Variants in LIG3 observed in about 807,000 individuals in gnomAD.
LIG3 encodes the protein ligase II, DNA, ATP-dependent.
LIG3 carries 58 observed loss-of-function variants against 110.9 expected under a neutral mutation model. The ratio of observed to expected loss-of-function variants is 0.52; its 90% CI spans 0.42 to 0.65. LIG3 has a LOEUF of 0.65. Ranked by LOEUF, LIG3 falls within the 30% of genes least tolerant of loss-of-function variation. The pLI is 0.00. For missense variants in LIG3, 1,094 were observed against 1,273.8 expected, an observed-to-expected ratio of 0.86 and a Z score of 2.15; for synonymous variants, 422 against 472.8, an observed-to-expected ratio of 0.89 and a Z score of 1.39.
chr17:34,999,082 C>T, intron 14 of LIG3: 1 of 552,690 alleles, frequency 1.8e-6, no homozygotes. Flanking sequence ...CAACACAGTT[C>T]AATGCCCCAG....
intron 19 of LIG3, 179 bp from the exon 20 acceptor site, chr17:35,004,094 A>T: frequency 1.7e-6 from 1 of 596,996 alleles, no homozygotes; most frequent in Non-Finnish European, 3.0e-6. Flanking sequence ...GGGGCGTGTC[A>T]GTCCTGTATA....
chr17:34,986,233 T>C (rs1024020169), intron 3 of LIG3, 102 bp downstream of exon 3: 84 of 1,153,850 alleles, frequency 7.3e-5, no homozygotes, highest in Non-Finnish European at 1.0e-4. Flanking sequence ...CTATCTCATC[T>C]CATTAATAAT....
rs562529665 is a variant in LIG3, at chr17:35,003,359, T to C, written c.2796+570T>C. 1.7e-3 allele frequency: 586 copies of C among 348,128 alleles called. 3 individuals carry two copies. Among genetic ancestry groups the C allele is most frequent in the Non-Finnish European group, 2.2e-3 (424 of 189,026 alleles). The allele number at this position is 348,128 out of a possible 1,614,324, so 21.6% of individuals were successfully genotyped here. A position where few individuals can be genotyped will look rare whatever the true frequency, so the allele number is the denominator to read the frequency against. ...TGTTGCCTAGGCTGGAGTGAAGTGG[T>C]GCAATCACAGCGCACTGCAACCTCC... On this transcript the variant is annotated intron_variant, in intron 19 of 19. Coordinates refer to ENST00000378526, the MANE Select transcript of LIG3 (RefSeq NM_013975.4).
Position 34,983,374 on chromosome 17 carries a change from G to T in LIG3, c.369G>T (p.Val123=). Residue 123 remains valine, a synonymous_variant, in exon 2 of 20, where the codon GTG becomes GTT. Coordinates refer to ENST00000378526, the MANE Select transcript of LIG3 (RefSeq NM_013975.4). ...GCGTATGCCGAATTGGCAAAGTGGT[G>T]CCCAATCCCTTCTCAGAGTCTGGGG... ...VKGVCRIGKV[V]PNPFSESGGD... 6.2e-7 allele frequency: 1 copy of T among 1,614,238 alleles called. No individual in the cohort carries two copies. The highest frequency in any genetic ancestry group is 8.5e-7 in the Non-Finnish European group (1 of 1,180,048).
chr17:34,998,554 C>T (rs1288123265), intron 13 of LIG3, 50 bp from the exon 14 acceptor site: 3 of 1,605,080 alleles, frequency 1.9e-6, no homozygotes, highest in Non-Finnish European at 2.6e-6. Context: ...TGAACCCATC[C>T]TCATGGAGTT....
chr17:35,000,608 CTTTTTT>C (rs57663136), intron 16 of LIG3, among the ~76,000 whole-genome samples: 4 of 80,406 alleles, frequency 5.0e-5, no homozygotes, highest in South Asian at 4.2e-4. Context: ...TTGGGAGATA[CTTTTTT>C]TTTTTTTTTT....
chr17:34,996,435 A>T, intron 10 of LIG3, 139 bp from the exon 11 acceptor site: 1 of 829,742 alleles, frequency 1.2e-6, no homozygotes. Flanking sequence ...CAGTGCCCTT[A>T]TGGCCCAGGG....
intron 4 of LIG3, 73 bp downstream of exon 4, chr17:34,989,736 G>A: frequency 7.2e-7 from 1 of 1,384,000 alleles, no homozygotes; most frequent in Non-Finnish European, 1.0e-6. Flanking sequence ...CTGGGCATGT[G>A]AGCTGTATAG....
Position 34,998,737 on chromosome 17 carries a change from G to A in LIG3, c.2113+10G>A, listed in dbSNP as rs1046346872. 1 of 1,612,966 alleles carries A rather than the reference G, an allele frequency of 6.2e-7. No homozygotes were observed. The highest frequency in any genetic ancestry group is 1.7e-5 in the Admixed American group (1 of 59,902). ...GGGCAAGGGAGCAAAGGTCAGGGTG[G>A]CCTCTGCCCCCTGGGGTGGTACTGT... On this transcript the variant is annotated intron_variant, in intron 14 of 19. Coordinates refer to ENST00000378526, the MANE Select transcript of LIG3 (RefSeq NM_013975.4).
chr17:35,001,898 C>A lies in LIG3; in HGVS notation c.2479-11C>A. Reference sequence around the variant, plus strand: ...AATGAAACCCTCTGACATTGTCCCTCCCCGCCTCAGGAACTGTACCAGTTG... The same window carrying A: ...AATGAAACCCTCTGACATTGTCCCTACCCGCCTCAGGAACTGTACCAGTTG... On this transcript the variant is annotated splice_polypyrimidine_tract_variant and intron_variant, in intron 17 of 19. Coordinates refer to ENST00000378526, the MANE Select transcript of LIG3 (RefSeq NM_013975.4). 1 of 1,605,250 alleles carries A rather than the reference C, an allele frequency of 6.2e-7. No homozygotes were observed. The highest frequency in any genetic ancestry group is 8.5e-7 in the Non-Finnish European group (1 of 1,177,022).
rs774191585 is a variant in LIG3 at position 34,996,620 on chromosome 17, G to A, written c.1790G>A (p.Cys597Tyr). The change falls in exon 11 of 20, where the codon TGT (cysteine) becomes TAT (tyrosine). Residue 597 changes from cysteine to tyrosine, a missense_variant. Transcript: ENST00000378526. ...DANVCLFVFD[C>Y]IYFNDVSLMD... is the part of the protein sequence containing the mutation. ...AATGTCTGCCTGTTTGTTTTTGATT[G>A]TATCTACTTTAATGATGTCAGCTTG... The A allele has an allele frequency of 1.9e-6, 3 of 1,613,960 alleles. No individual in the cohort carries two copies. Among genetic ancestry groups the A allele is most frequent in the African/African-American group, 1.3e-5 (1 of 74,932 alleles).
chr17:34,999,594 A>T, intron 15 of LIG3, 145 bp downstream of exon 15: 1 of 1,191,026 alleles, frequency 8.4e-7, no homozygotes, highest in Non-Finnish European at 1.2e-6. Flanking sequence ...AGGCCTTATA[A>T]TCTCTGAATG....
At chr17:34,982,329 G>A (rs1397914461) in intron 1 of LIG3, among the ~76,000 whole-genome samples, 6 of 152,124 alleles carry the variant, frequency 3.9e-5, no homozygotes. Context: ...TGAACATAAT[G>A]TAATTTTTAC....
chr17:35,010,183 C>T (rs1046652543), downstream of LIG3: 8 of 152,330 alleles, frequency 5.3e-5, no homozygotes, highest in Middle Eastern at 3.4e-3. Context: ...TTAGAGGTTT[C>T]CCTCTGCCAT....
intron 5 of LIG3, chr17:34,991,370 G>A: frequency 1.8e-6 from 1 of 565,338 alleles, no homozygotes; most frequent in South Asian, 2.4e-5. Flanking sequence ...TTTGAGACTT[G>A]CCCCCTCTGT....
rs1255919802 is a variant in LIG3 at position 34,991,246 on chromosome 17, C to T, written c.1041+132C>T. 20 of 838,558 alleles carry T rather than the reference C, an allele frequency of 2.4e-5. 1 individual carries two copies. The highest frequency in any genetic ancestry group is 5.3e-5 in the South Asian group (3 of 56,522). 51.9% of individuals were successfully genotyped at this position (838,558 alleles called of 1,614,324 possible). On this transcript the variant is annotated intron_variant, in intron 5 of 19. Coordinates refer to ENST00000378526, the MANE Select transcript of LIG3 (RefSeq NM_013975.4). Reference sequence around the variant, plus strand: ...GGAAACTGAAACCCATTTGAGCAAGCTTCCGTTATAGGGGGAGCTGAATGT... The same window carrying T: ...GGAAACTGAAACCCATTTGAGCAAGTTTCCGTTATAGGGGGAGCTGAATGT...
intron 4 of LIG3, among the ~76,000 whole-genome samples, chr17:34,990,637 C>T (rs1218797152): frequency 6.6e-6 from 1 of 150,466 alleles, no homozygotes; most frequent in African/African-American, 2.5e-5. Flanking sequence ...CTTGCTCTGT[C>T]GCCCAGGCTG....
intron 16 of LIG3, among the ~76,000 whole-genome samples, chr17:35,000,091 C>T (rs1194817263): frequency 6.6e-6 from 1 of 152,194 alleles, no homozygotes; most frequent in African/African-American, 2.4e-5. Flanking sequence ...TACCTATCCC[C>T]TCAGCACAAA....
intron 2 of LIG3, among the ~76,000 whole-genome samples, chr17:34,985,128 T>G (rs2090642226): frequency 6.6e-6 from 1 of 152,250 alleles, no homozygotes; most frequent in African/African-American, 2.4e-5. Flanking sequence ...TATGTGCGTG[T>G]ATATGCATGT....
Sources: allele counts gnomAD v4.1 joint callset (sites outside exome capture counted in the v4.1 genomes callset), GRCh38; gene constraint gnomAD v4.1.1; transcripts MANE v1.5; gene names NCBI Gene and HGNC (gene_info 2026-07-23, HGNC 2026-07-21).